Variants in EPHA6 observed in about 807,000 individuals in gnomAD.
The protein encoded by EPHA6 is EPH receptor A6.
In EPHA6, 50 loss-of-function variants were observed where a neutral mutation model predicts 112.0. The observed-to-expected ratio is 0.45, with a 90% CI of 0.36 to 0.56. EPHA6 has a LOEUF of 0.56. Ranked by LOEUF, EPHA6 falls within the 20% of genes least tolerant of loss-of-function variation. The pLI, the probability that EPHA6 is intolerant of heterozygous loss-of-function variation, is 0.00. For missense variants in EPHA6, 1,280 were observed against 1,417.4 expected (o/e 0.90, Z 1.56); for synonymous variants, 529 against 490.7 (o/e 1.08, Z -1.03).
At chr3:96,898,221 A>G (rs1305045468) in intron 2 of EPHA6, among the ~76,000 whole-genome samples, 2 of 152,198 alleles carry the variant, frequency 1.3e-5, no homozygotes, top group Non-Finnish European at 2.9e-5. Flanking sequence ...TTGTCTCATT[A>G]TCCAAACTAT....
chr3:97,621,070 A>G lies in EPHA6; in HGVS notation c.2574+10216A>G, dbSNP rs925681263. Among the ~76,000 whole-genome samples the G allele has an allele frequency of 4.6e-5, 7 of 152,108 alleles. No individual in the cohort carries two copies. In the South Asian group the frequency reaches 6.2e-4, roughly 13 times the overall value. On this transcript the variant is annotated intron_variant, in intron 13 of 17. Transcript: ENST00000389672. ...AAATATGGTACATATACACCATGGA[A>G]TACTATGCAGTCGTGAAAAATAATG...
At chr3:96,856,850 C>A (rs551295232) in intron 1 of EPHA6, among the ~76,000 whole-genome samples, 1 of 152,134 alleles carries the variant, frequency 6.6e-6, no homozygotes, top group Non-Finnish European at 1.5e-5. Context: ...CCTGGGGAGA[C>A]AAATCATCAG....
chr3:96,936,985 A>G (rs1053353818), intron 2 of EPHA6, among the ~76,000 whole-genome samples: 1 of 152,158 alleles, frequency 6.6e-6, no homozygotes, highest in Non-Finnish European at 1.5e-5. Context: ...TATATGTGCC[A>G]CATTTTCTTA....
intron 2 of EPHA6, among the ~76,000 whole-genome samples, chr3:96,906,384 G>C (rs2038935356): frequency 6.6e-6 from 1 of 151,912 alleles, no homozygotes; most frequent in African/African-American, 2.4e-5. Flanking sequence ...TGTCTTCCCT[G>C]GTTCTCAATT....
In EPHA6 at chr3:97,758,829, T is replaced by C. The variant is rs1011793370; in HGVS notation, c.*10128T>C. On this transcript the variant is annotated 3_prime_UTR_variant, in exon 18 of 18. Coordinates refer to ENST00000389672, the MANE Select transcript of EPHA6 (RefSeq NM_001080448.3). Reference sequence around the variant, plus strand: ...TGAAATTACAAGCAGAGGGGGATAGTTAATGAATGAAAATTTGGAGTGTTG... The same window carrying C: ...TGAAATTACAAGCAGAGGGGGATAGCTAATGAATGAAAATTTGGAGTGTTG... Among the ~76,000 whole-genome samples the C allele has an allele frequency of 6.6e-6, 1 of 151,878 alleles. No individual in the cohort carries two copies. Among genetic ancestry groups the C allele is most frequent in the East Asian group, 1.9e-4 (1 of 5,158 alleles).
intron 3 of EPHA6, among the ~76,000 whole-genome samples, chr3:97,050,276 G>A (rs1322335057): frequency 6.6e-6 from 1 of 152,080 alleles, no homozygotes; most frequent in African/African-American, 2.4e-5. Context: ...ACAGCAAATT[G>A]TGCCCAAGAA....
chr3:96,980,053 T>A (rs926082169), intron 2 of EPHA6, among the ~76,000 whole-genome samples: 7 of 152,206 alleles, frequency 4.6e-5, no homozygotes, highest in African/African-American at 1.7e-4. Flanking sequence ...CTCTTGAGTT[T>A]AATTAGATCC....
chr3:97,242,283 C>A (rs778811068), intron 4 of EPHA6, among the ~76,000 whole-genome samples: 10 of 151,820 alleles, frequency 6.6e-5, no homozygotes, highest in Non-Finnish European at 1.3e-4. Flanking sequence ...CATGCATTCT[C>A]CCTCTGCAGT....
intron 6 of EPHA6, among the ~76,000 whole-genome samples, chr3:97,432,775 G>T (rs1161672697): frequency 6.6e-6 from 1 of 152,112 alleles, no homozygotes; most frequent in Non-Finnish European, 1.5e-5. Context: ...AGAGCCAGAA[G>T]CGAATGGGTA....
intron 3 of EPHA6, among the ~76,000 whole-genome samples, chr3:97,021,773 C>CCCTA: frequency 6.6e-6 from 1 of 152,184 alleles, no homozygotes; most frequent in South Asian, 2.1e-4. Flanking sequence ...TTTGTAAAAG[C>CCCTA]CCTATCTCAT....
intron 10 of EPHA6, among the ~76,000 whole-genome samples, chr3:97,512,044 CT>C (rs939413679): frequency 6.6e-6 from 1 of 151,992 alleles, no homozygotes; most frequent in African/African-American, 2.4e-5. Flanking sequence ...GAAGCATAAA[CT>C]TTTTTTAAGT....
chr3:97,123,556 G>A (rs944546213), intron 3 of EPHA6, among the ~76,000 whole-genome samples: 1 of 152,124 alleles, frequency 6.6e-6, no homozygotes, highest in East Asian at 1.9e-4. Flanking sequence ...AAATCATGTA[G>A]AGGTGGAGCT....
chr3:97,731,038 A>T (rs2035010279), intron 15 of EPHA6, among the ~76,000 whole-genome samples: 2 of 152,100 alleles, frequency 1.3e-5, no homozygotes, highest in Non-Finnish European at 2.9e-5. Context: ...CTTTCATTGT[A>T]TCGTGGGGGA....
At chr3:96,937,398 A>G (rs1172619965) in intron 2 of EPHA6, among the ~76,000 whole-genome samples, 1 of 152,102 alleles carries the variant, frequency 6.6e-6, no homozygotes, top group Non-Finnish European at 1.5e-5. Flanking sequence ...GGCTGCATAA[A>G]TGTCTTCTTT....
intron 5 of EPHA6, among the ~76,000 whole-genome samples, chr3:97,343,011 G>T (rs1225509504): frequency 1.3e-5 from 2 of 152,180 alleles, no homozygotes; most frequent in Non-Finnish European, 2.9e-5. Flanking sequence ...ATGGGTATCG[G>T]TTAGAAAAGT....
chr3:96,876,363 G>C (rs1260001743), intron 2 of EPHA6, among the ~76,000 whole-genome samples: 2 of 151,156 alleles, frequency 1.3e-5, no homozygotes, highest in Non-Finnish European at 3.0e-5. Flanking sequence ...TATATCATCA[G>C]CTTCATCTGT....
chr3:97,357,367 A>C (rs77786789), intron 5 of EPHA6, among the ~76,000 whole-genome samples: 19,906 of 151,894 alleles, frequency 0.13, 4,031 homozygotes, highest in African/African-American at 0.43. Context: ...CCACCATGCC[A>C]AGCTAGTTTC....
At chr3:97,402,750 A>T (rs1201792403) in intron 5 of EPHA6, among the ~76,000 whole-genome samples, 1 of 152,162 alleles carries the variant, frequency 6.6e-6, no homozygotes, top group Non-Finnish European at 1.5e-5. Flanking sequence ...TATATTCTAG[A>T]TCAAAAATAA....
Position 97,750,601 on chromosome 3 carries a change from C to A in EPHA6, c.*1900C>A, listed in dbSNP as rs1422974562. Among the ~76,000 whole-genome samples the A allele has an allele frequency of 6.6e-6, 1 of 152,046 alleles. No homozygotes were observed. The highest frequency in any genetic ancestry group is 1.5e-5 in the Non-Finnish European group (1 of 67,998). On this transcript the variant is annotated 3_prime_UTR_variant, in exon 18 of 18. Coordinates refer to ENST00000389672, the MANE Select transcript of EPHA6 (RefSeq NM_001080448.3). ...AACTCCTGACCTCAGATGATCTGCCCGCCTCAGCCTCTCAAAGTGCTGAGA... is the reference window on the plus strand; with the variant it reads ...AACTCCTGACCTCAGATGATCTGCCAGCCTCAGCCTCTCAAAGTGCTGAGA...
Sources: allele counts gnomAD v4.1 joint callset (sites outside exome capture counted in the v4.1 genomes callset), GRCh38; gene constraint gnomAD v4.1.1; transcripts MANE v1.5; gene names NCBI Gene and HGNC (gene_info 2026-07-23, HGNC 2026-07-21).